Variants in KAT6B observed in about 807,000 individuals in gnomAD.
The protein encoded by KAT6B is histone acetyltransferase KAT6B.
Under a neutral mutation model 187.5 loss-of-function variants are expected in KAT6B, and 10 were observed. The ratio of observed to expected loss-of-function variants is 0.05; its 90% CI spans 0.03 to 0.09. KAT6B has a LOEUF of 0.09. Among genes scored for constraint, KAT6B ranks in the 10% least tolerant of loss-of-function variants. KAT6B has a pLI of 1.00. For missense variants in KAT6B, 1,952 were observed against 2,558.9 expected, an observed-to-expected ratio of 0.76 and a Z score of 5.12; for synonymous variants, 861 against 926.8, an observed-to-expected ratio of 0.93 and a Z score of 1.29.
chr10:74,958,184 G>A (rs1840822012), intron 3 of KAT6B, among the ~76,000 whole-genome samples: 2 of 152,040 alleles, frequency 1.3e-5, no homozygotes, highest in Non-Finnish European at 1.5e-5. Flanking sequence ...GCATTTGTTG[G>A]AATCATTATA....
intron 3 of KAT6B, among the ~76,000 whole-genome samples, chr10:74,856,466 G>A (rs978438859): frequency 6.6e-6 from 1 of 152,142 alleles, no homozygotes; most frequent in African/African-American, 2.4e-5. Flanking sequence ...ATAGAGAACA[G>A]TTTTCCCTCC....
rs75526634 is a variant in KAT6B at position 74,915,628 on chromosome 10, T to C, written c.622-44342T>C. The stretch of plus-strand genomic sequence containing the variant: ...TCCCCAACACTACCACAGTGCCTGG[T>C]GCATGTTAAATTGCAGTTAATATTT... On this transcript the variant is annotated intron_variant, in intron 3 of 17. Coordinates refer to ENST00000287239, the MANE Select transcript of KAT6B (RefSeq NM_012330.4). 6.6e-5 allele frequency among the ~76,000 whole-genome samples: 10 copies of C among 152,374 alleles called. No homozygotes were observed. In the East Asian group the frequency reaches 1.9e-3, roughly 29 times the overall value.
chr10:74,920,459 C>A (rs985323809), intron 3 of KAT6B, among the ~76,000 whole-genome samples: 1 of 152,098 alleles, frequency 6.6e-6, no homozygotes, highest in Non-Finnish European at 1.5e-5. Context: ...AATTTTTGAC[C>A]GAAAATTCAA....
chr10:75,003,360 T>C (rs1179652523), intron 13 of KAT6B, among the ~76,000 whole-genome samples: 1 of 152,248 alleles, frequency 6.6e-6, no homozygotes, highest in Non-Finnish European at 1.5e-5. Flanking sequence ...TTCTCTTTGC[T>C]TAGCCTTCCC....
At chr10:74,908,364 C>T (rs1193549803) in intron 3 of KAT6B, among the ~76,000 whole-genome samples, 2 of 151,944 alleles carry the variant, frequency 1.3e-5, no homozygotes, top group East Asian at 1.9e-4. Context: ...AGATTGAAAC[C>T]ATCCTGGCCA....
intron 3 of KAT6B, among the ~76,000 whole-genome samples, chr10:74,871,201 T>TTC (rs1204796624): frequency 1.4e-5 from 2 of 139,630 alleles, no homozygotes; most frequent in Admixed American, 1.4e-4. Flanking sequence ...TTTTTTTTTT[T>TTC]TTTTTTTTTG....
intron 3 of KAT6B, among the ~76,000 whole-genome samples, chr10:74,869,121 G>A (rs1180824016): frequency 6.6e-6 from 1 of 152,064 alleles, no homozygotes; most frequent in Non-Finnish European, 1.5e-5. Context: ...ATTTTGAAGG[G>A]TGAAACACTG....
chr10:74,988,522 G>C (rs1842948145), intron 12 of KAT6B, among the ~76,000 whole-genome samples: 1 of 152,182 alleles, frequency 6.6e-6, no homozygotes, highest in Non-Finnish European at 1.5e-5. Flanking sequence ...AAATATATGT[G>C]TGCACATCTA....
At chr10:75,015,193 A>G (rs940909601) in intron 13 of KAT6B, among the ~76,000 whole-genome samples, 1 of 152,152 alleles carries the variant, frequency 6.6e-6, no homozygotes, top group Non-Finnish European at 1.5e-5. Context: ...GTTCTTATAT[A>G]ATTATGTCAT....
At chr10:74,881,863 C>T (rs892121459) in intron 3 of KAT6B, among the ~76,000 whole-genome samples, 1 of 152,120 alleles carries the variant, frequency 6.6e-6, no homozygotes, top group African/African-American at 2.4e-5. Flanking sequence ...GCTATGTTGC[C>T]TAGGCTCTTC....
rs370893896 is a variant in KAT6B at position 74,831,636 on chromosome 10, G to A, written c.-329+4851G>A. 1.6e-4 allele frequency among the ~76,000 whole-genome samples: 25 copies of A among 152,300 alleles called. 1 individual carries two copies. The highest frequency in any genetic ancestry group is 6.8e-3 in the Middle Eastern group (2 of 294). ...GGAGAAAATGGTCATATAGACAGAA[G>A]TTCAGCCAGATTAGATTTTACAGGT... On this transcript the variant is annotated intron_variant, in intron 1 of 17. Coordinates refer to ENST00000287239, the MANE Select transcript of KAT6B (RefSeq NM_012330.4).
At chr10:74,890,902 T>C (rs1285222128) in intron 3 of KAT6B, among the ~76,000 whole-genome samples, 1 of 152,230 alleles carries the variant, frequency 6.6e-6, no homozygotes, top group Non-Finnish European at 1.5e-5. Context: ...AATGGTTGAA[T>C]TTCAAAATTA....
intron 2 of KAT6B, among the ~76,000 whole-genome samples, chr10:74,841,268 G>A (rs1484831661): frequency 2.0e-5 from 3 of 152,120 alleles, no homozygotes; most frequent in Non-Finnish European, 4.4e-5. Context: ...GAACAGTGAT[G>A]GACTTAGTTG....
chr10:75,012,492 G>T (rs1398707966), intron 13 of KAT6B, among the ~76,000 whole-genome samples: 1 of 152,170 alleles, frequency 6.6e-6, no homozygotes, highest in Non-Finnish European at 1.5e-5. Flanking sequence ...CTGGGTAAGA[G>T]AATCAGGTAT....
intron 3 of KAT6B, among the ~76,000 whole-genome samples, chr10:74,855,058 A>G (rs1188453409): frequency 1.3e-5 from 2 of 152,212 alleles, no homozygotes; most frequent in Admixed American, 1.3e-4. Flanking sequence ...GCAAAATCTT[A>G]GCATGCAGGG....
At chr10:74,879,225 G>T (rs1213400221) in intron 3 of KAT6B, among the ~76,000 whole-genome samples, 2 of 152,158 alleles carry the variant, frequency 1.3e-5, no homozygotes, top group African/African-American at 4.8e-5. Context: ...CCAAGTTCAG[G>T]GTCTTTTCTG....
At chr10:74,966,773 T>C (rs771626317) in intron 4 of KAT6B, among the ~76,000 whole-genome samples, 19 of 152,146 alleles carry the variant, frequency 1.2e-4, no homozygotes, top group Non-Finnish European at 7.3e-5. Context: ...GTGTCAGTAG[T>C]CCCAGCACTT....
chr10:74,991,716 A>G lies in KAT6B; in HGVS notation c.2629+2604A>G, dbSNP rs1462762898. Among the ~76,000 whole-genome samples the G allele has an allele frequency of 3.9e-5, 6 of 152,334 alleles. No homozygotes were observed. The Middle Eastern group carries it at 0.01, about 259-fold the overall frequency. On this transcript the variant is annotated intron_variant, in intron 13 of 17. Coordinates refer to ENST00000287239, the MANE Select transcript of KAT6B (RefSeq NM_012330.4). The stretch of plus-strand genomic sequence containing the variant: ...GTGAAAGATTTGAATAAAGTTGAAG[A>G]GACTGGTGTTATTCCCTCAGAGAAG...
intron 3 of KAT6B, among the ~76,000 whole-genome samples, chr10:74,876,325 T>C (rs1252816163): frequency 6.6e-6 from 1 of 152,220 alleles, no homozygotes; most frequent in African/African-American, 2.4e-5. Context: ...TTTATATAAG[T>C]GCTCTTTCTT....
Sources: gnomAD v4.1 joint callset for allele counts (sites outside exome capture counted in the v4.1 genomes callset) on GRCh38, gnomAD v4.1.1 for gene constraint, MANE v1.5 for transcripts, NCBI Gene and HGNC (gene_info 2026-07-23, HGNC 2026-07-21) for gene names.